RFX4: variants seen among roughly 807,000 people sequenced by gnomAD.
The protein encoded by RFX4 is regulatory factor X4, also known as transcription factor RFX4.
RFX4 carries 10 observed loss-of-function variants against 95.0 expected under a neutral mutation model. That is an observed-to-expected ratio of 0.11 (90% CI 0.06 to 0.18). The LOEUF (loss-of-function observed/expected upper bound fraction) is 0.18. Among genes scored for constraint, RFX4 ranks in the 10% least tolerant of loss-of-function variants. RFX4 has a pLI of 1.00. For synonymous variants in RFX4, 321 were observed against 340.7 expected, an observed-to-expected ratio of 0.94 and a Z score of 0.64; for missense variants, 640 against 922.0, an observed-to-expected ratio of 0.69 and a Z score of 3.96.
chr12:106,656,658 G>GTCTCCCTTTCCTCCTCTTCCA (rs2040964289), intron 4 of RFX4, among the ~76,000 whole-genome samples: 1 of 152,014 alleles, frequency 6.6e-6, no homozygotes, highest in Admixed American at 6.6e-5. Context: ...CCACCCTGCT[G>GTCTCCCTTTCCTCCTCTTCCA]TCTCCCTTTT....
At chr12:106,607,578 G>A (rs1354952401) in intron 1 of RFX4, among the ~76,000 whole-genome samples, 3 of 130,088 alleles carry the variant, frequency 2.3e-5, no homozygotes, top group Non-Finnish European at 4.7e-5. Context: ...GGGGTGGGGT[G>A]GGGGGGGCGT....
At chr12:106,657,390 G>C (rs570482565) in intron 4 of RFX4, among the ~76,000 whole-genome samples, 1 of 152,294 alleles carries the variant, frequency 6.6e-6, no homozygotes, top group South Asian at 2.1e-4. Context: ...GGGTGACCTG[G>C]TTGGGATACC....
At chr12:106,740,005 C>T (rs889254091) in intron 15 of RFX4, among the ~76,000 whole-genome samples, 5 of 152,130 alleles carry the variant, frequency 3.3e-5, no homozygotes, top group Admixed American at 6.5e-5. Flanking sequence ...ATCGGGCCAC[C>T]GAAGGGTTCT....
rs145436012 is a variant in RFX4 at position 106,679,193 on chromosome 12, C to T, written c.316-2800C>T. Reference sequence around the variant, plus strand: ...GCCTTACTGGCCAAGTGCAGTGGCTCACACCTGTAATCCCAGCACTTTGAG... The same window carrying T: ...GCCTTACTGGCCAAGTGCAGTGGCTTACACCTGTAATCCCAGCACTTTGAG... On this transcript the variant is annotated intron_variant, in intron 4 of 17. Transcript: ENST00000392842. Among the ~76,000 whole-genome samples, 594 of 152,326 alleles carry T rather than the reference C, an allele frequency of 3.9e-3. 3 individuals carry two copies. The highest frequency in any genetic ancestry group is 6.3e-3 in the Admixed American group (97 of 15,306).
intron 1 of RFX4, among the ~76,000 whole-genome samples, chr12:106,590,198 A>G (rs146810026): frequency 6.6e-6 from 1 of 152,372 alleles, no homozygotes; most frequent in Non-Finnish European, 1.5e-5. Context: ...TTGGTCTGGA[A>G]GCTTAATGTT....
Position 106,761,531 on chromosome 12 carries a change from A to C in RFX4, c.*62A>C. 1 of 1,190,530 alleles carries C rather than the reference A, an allele frequency of 8.4e-7. No homozygotes were observed. Among genetic ancestry groups the C allele is most frequent in the Non-Finnish European group, 1.1e-6 (1 of 934,506 alleles). The allele number at this position is 1,190,530 out of a possible 1,614,324, so 73.7% of individuals were successfully genotyped here. ...AATAATTAATAATAATAATAAACCC[A>C]ACACCCATCCCCCAGAAGACTTTAT... On this transcript the variant is annotated 3_prime_UTR_variant, in exon 18 of 18. Coordinates refer to ENST00000392842, the MANE Select transcript of RFX4 (RefSeq NM_213594.3).
intron 1 of RFX4, among the ~76,000 whole-genome samples, chr12:106,594,217 G>A (rs1188302774): frequency 6.6e-6 from 1 of 152,180 alleles, no homozygotes; most frequent in Non-Finnish European, 1.5e-5. Context: ...AGAAAGCTCT[G>A]GGAGTTTACA....
At chr12:106,648,716 G>C (rs893868059) in intron 3 of RFX4, among the ~76,000 whole-genome samples, 3 of 148,870 alleles carry the variant, frequency 2.0e-5, no homozygotes, top group Non-Finnish European at 4.4e-5. Context: ...ACTTTGAACT[G>C]ACGCAGAGCG....
chr12:106,690,693 T>C (rs556863885), intron 7 of RFX4, among the ~76,000 whole-genome samples: 1 of 152,270 alleles, frequency 6.6e-6, no homozygotes, highest in East Asian at 1.9e-4. Flanking sequence ...TACCCCCTAC[T>C]TATCCTTGTC....
intron 7 of RFX4, among the ~76,000 whole-genome samples, chr12:106,690,317 T>C (rs2041753094): frequency 6.6e-6 from 1 of 152,204 alleles, no homozygotes; most frequent in South Asian, 2.1e-4. Flanking sequence ...AAATGTACTT[T>C]AAAATGTCCC....
At chr12:106,734,015 C>A (rs548360685) in intron 15 of RFX4, among the ~76,000 whole-genome samples, 1 of 152,322 alleles carries the variant, frequency 6.6e-6, no homozygotes, top group South Asian at 2.1e-4. Flanking sequence ...AATTCTGACT[C>A]ATGCTACAAC....
At chr12:106,643,137 G>C (rs2040666818) in intron 3 of RFX4, among the ~76,000 whole-genome samples, 2 of 152,186 alleles carry the variant, frequency 1.3e-5, no homozygotes, top group Admixed American at 1.3e-4. Context: ...CTGCCCCCAG[G>C]GTGGGGGTGT....
intron 8 of RFX4, among the ~76,000 whole-genome samples, chr12:106,702,972 G>A (rs1306845801): frequency 2.0e-5 from 3 of 152,224 alleles, no homozygotes; most frequent in Non-Finnish European, 4.4e-5. Context: ...GCCTGTGGAG[G>A]AGGGCTTGCA....
chr12:106,586,219 T>A lies in RFX4; in HGVS notation c.43+2856T>A, dbSNP rs929621003. ...GGCAGTCGACGCACCTTCTGGCCGG[T>A]GCGCGGTTTGCAGTAAGCGCAGGCG... is the stretch of plus-strand genomic sequence containing the variant. On this transcript the variant is annotated intron_variant, in intron 1 of 17. Coordinates refer to ENST00000392842, the MANE Select transcript of RFX4 (RefSeq NM_213594.3). This position sits in a 1 kb window ranked among gnomAD's most constrained non-coding sequence, Gnocchi z 5.6. Among the ~76,000 whole-genome samples the A allele has an allele frequency of 6.6e-6, 1 of 151,948 alleles. No homozygotes were observed. Among genetic ancestry groups the A allele is most frequent in the East Asian group, 2.0e-4 (1 of 5,126 alleles).
intron 7 of RFX4, among the ~76,000 whole-genome samples, chr12:106,690,746 G>A (rs1298049143): frequency 2.6e-5 from 4 of 152,150 alleles, no homozygotes; most frequent in South Asian, 2.1e-4. Flanking sequence ...TTCCATGGAC[G>A]GGAGCTGGTC....
At chr12:106,608,999 C>G in intron 2 of RFX4, 116 bp downstream of exon 2, 2 of 801,662 alleles carry the variant, frequency 2.5e-6, no homozygotes, top group Non-Finnish European at 4.1e-6. Flanking sequence ...AAGACACTCT[C>G]TAGCTATTTA....
rs539864691 is a variant in RFX4, at chr12:106,597,706, A to G, written c.44-11091A>G. Among the ~76,000 whole-genome samples, 5 of 152,286 alleles carry G rather than the reference A, an allele frequency of 3.3e-5. No homozygotes were observed. The South Asian group carries it at 1.0e-3, about 32-fold the overall frequency. On this transcript the variant is annotated intron_variant, in intron 1 of 17. Coordinates refer to ENST00000392842, the MANE Select transcript of RFX4 (RefSeq NM_213594.3). The stretch of plus-strand genomic sequence containing the variant: ...AACTATTATACTGACATTAAAAACA[A>G]TAACATGGCCAGGTGTGGTGGCTGA...
chr12:106,678,560 C>T (rs376638426), intron 4 of RFX4, among the ~76,000 whole-genome samples: 4 of 152,184 alleles, frequency 2.6e-5, no homozygotes, highest in African/African-American at 9.6e-5. Context: ...CTTGAACTTT[C>T]AGTTATTTCA....
chr12:106,722,500 A>G (rs1363477357), intron 13 of RFX4, among the ~76,000 whole-genome samples: 1 of 152,194 alleles, frequency 6.6e-6, no homozygotes, highest in Non-Finnish European at 1.5e-5. Context: ...AGGCTTTATG[A>G]ATGGGTTGAA....
Sources: gnomAD v4.1 joint callset for allele counts (sites outside exome capture counted in the v4.1 genomes callset) on GRCh38, gnomAD v4.1.1 for gene constraint, Gnocchi (gnomAD v3.1) non-coding constraint, MANE v1.5 for transcripts, NCBI Gene and HGNC (gene_info 2026-07-23, HGNC 2026-07-21) for gene names.